KCNMB2: variants seen among roughly 807,000 people sequenced by gnomAD.
KCNMB2 encodes calcium-activated potassium channel subunit beta-2.
Under a neutral mutation model 24.5 loss-of-function variants are expected in KCNMB2, and 9 were observed. The ratio of observed to expected loss-of-function variants is 0.37; its 90% CI spans 0.22 to 0.64. The LOEUF (loss-of-function observed/expected upper bound fraction) is 0.64, where lower values mean the gene tolerates loss of function less well. Ranked by LOEUF, KCNMB2 falls within the 30% of genes least tolerant of loss-of-function variation. KCNMB2 has a pLI of 0.63. For missense variants in KCNMB2, 226 were observed against 284.3 expected (o/e 0.79, Z 1.47); for synonymous variants, 109 against 104.4 (o/e 1.04, Z -0.27).
chr3:178,579,743 C>T (rs1390545980), intron 1 of KCNMB2, among the ~76,000 whole-genome samples: 7 of 152,100 alleles, frequency 4.6e-5, no homozygotes. Flanking sequence ...CTATAAACAC[C>T]TCTATGCAAA....
At chr3:178,638,265 C>T (rs972728118) in intron 1 of KCNMB2, among the ~76,000 whole-genome samples, 7 of 152,122 alleles carry the variant, frequency 4.6e-5, no homozygotes, top group African/African-American at 1.7e-4. Flanking sequence ...TCAAACTCCC[C>T]AGACTGTTTT....
At chr3:178,789,799 G>A (rs1178372080) in intron 1 of KCNMB2, among the ~76,000 whole-genome samples, 1 of 152,030 alleles carries the variant, frequency 6.6e-6, no homozygotes, top group Non-Finnish European at 1.5e-5. Flanking sequence ...GTCCTCTAAG[G>A]TCCTAAATAA....
At chr3:178,620,122 T>C (rs1352566212) in intron 1 of KCNMB2, among the ~76,000 whole-genome samples, 4 of 152,326 alleles carry the variant, frequency 2.6e-5, no homozygotes, top group Middle Eastern at 6.8e-3. Flanking sequence ...TGTTTATATA[T>C]ATTATGATAT....
At chr3:178,807,703 A>G (rs1714030976) in intron 2 of KCNMB2, among the ~76,000 whole-genome samples, 1 of 152,124 alleles carries the variant, frequency 6.6e-6, no homozygotes, top group Non-Finnish European at 1.5e-5. Context: ...CCCATGTCAC[A>G]AGCTCTTTGC....
At chr3:178,567,581 T>C (rs149416076) in intron 1 of KCNMB2, among the ~76,000 whole-genome samples, 5 of 152,086 alleles carry the variant, frequency 3.3e-5, no homozygotes, top group African/African-American at 1.2e-4. Context: ...CTGCTTACAA[T>C]AGCAAAGAGT....
At chr3:178,548,996 G>C (rs1715858031) in intron 1 of KCNMB2, among the ~76,000 whole-genome samples, 1 of 152,164 alleles carries the variant, frequency 6.6e-6, no homozygotes, top group Admixed American at 6.5e-5. Flanking sequence ...AGTATAAGTA[G>C]AGGTATCTTA....
intron 4 of KCNMB2, among the ~76,000 whole-genome samples, chr3:178,835,248 CA>C (rs1431799157): frequency 7.2e-5 from 11 of 151,992 alleles, no homozygotes; most frequent in African/African-American, 2.7e-4. Context: ...TCATGCATAG[CA>C]GTGTGAATTC....
At chr3:178,729,848 A>T (rs891517695) in intron 1 of KCNMB2, among the ~76,000 whole-genome samples, 3 of 152,178 alleles carry the variant, frequency 2.0e-5, no homozygotes, top group African/African-American at 7.2e-5. Flanking sequence ...CATGGGCTAG[A>T]TTATGCTGCA....
In KCNMB2 at chr3:178,570,043, T is replaced by C. The variant is rs978883537; in HGVS notation, c.-68+33332T>C. Among the ~76,000 whole-genome samples, 3 of 152,286 alleles carry C rather than the reference T, an allele frequency of 2.0e-5. No homozygotes were observed. In the East Asian group the frequency reaches 5.8e-4, roughly 29 times the overall value. ...ATTATTTGGAATGTAGCCATGTCTG[T>C]TTTTCTTTTCTTTTGTTAGTAATGA... On this transcript the variant is annotated intron_variant, in intron 1 of 4. Transcript: ENST00000452583.
At chr3:178,807,933 AAAT>A (rs1714041123) in intron 2 of KCNMB2, among the ~76,000 whole-genome samples, 1 of 151,630 alleles carries the variant, frequency 6.6e-6, no homozygotes, top group Non-Finnish European at 1.5e-5. Flanking sequence ...ATAATTAATA[AAAT>A]AATAAATACT....
intron 1 of KCNMB2, among the ~76,000 whole-genome samples, chr3:178,547,352 T>C (rs894770621): frequency 6.6e-6 from 1 of 152,194 alleles, no homozygotes; most frequent in Non-Finnish European, 1.5e-5. Flanking sequence ...AATCACTTCA[T>C]AGAGTTGTTC....
At chr3:178,731,282 T>A (rs560820497) in intron 1 of KCNMB2, among the ~76,000 whole-genome samples, 1 of 152,270 alleles carries the variant, frequency 6.6e-6, no homozygotes, top group East Asian at 1.9e-4. Context: ...TTGAGAAGTT[T>A]CTCTAATATA....
intron 1 of KCNMB2, among the ~76,000 whole-genome samples, chr3:178,613,214 A>G (rs557326572): frequency 6.6e-6 from 1 of 152,348 alleles, no homozygotes; most frequent in South Asian, 2.1e-4. Flanking sequence ...CATGGCCAAC[A>G]TGGCAAAACC....
At chr3:178,797,575 G>A (rs560229469) in intron 1 of KCNMB2, among the ~76,000 whole-genome samples, 175 of 152,190 alleles carry the variant, frequency 1.1e-3, no homozygotes, top group African/African-American at 4.0e-3. Context: ...TTCAACATAC[G>A]CAAATCAATC....
rs146263556 is a variant in KCNMB2, at chr3:178,545,776, G to T, written c.-68+9065G>T. On this transcript the variant is annotated intron_variant, in intron 1 of 4. Transcript: ENST00000452583. Reference sequence around the variant, plus strand: ...TTGGTTGTCTCTGGATTGTTTGTTTGTTTCCTACTATATTTCAAATGAGGA... The same window carrying T: ...TTGGTTGTCTCTGGATTGTTTGTTTTTTTCCTACTATATTTCAAATGAGGA... Among the ~76,000 whole-genome samples the T allele has an allele frequency of 4.8e-5, 7 of 147,208 alleles. No homozygotes were observed. In the South Asian group the frequency reaches 1.5e-3, roughly 32 times the overall value.
chr3:178,542,974 T>C (rs1715669536), intron 1 of KCNMB2, among the ~76,000 whole-genome samples: 1 of 152,220 alleles, frequency 6.6e-6, no homozygotes, highest in Non-Finnish European at 1.5e-5. Context: ...GCCCAGGTGT[T>C]AGCACCATGC....
intron 1 of KCNMB2, among the ~76,000 whole-genome samples, chr3:178,545,983 G>A (rs906327960): frequency 2.0e-5 from 3 of 152,194 alleles, no homozygotes; most frequent in African/African-American, 7.2e-5. Flanking sequence ...GAACAGCCAT[G>A]TGAGGCTCTC....
At chr3:178,700,509 G>T (rs952428008) in intron 1 of KCNMB2, among the ~76,000 whole-genome samples, 1 of 152,188 alleles carries the variant, frequency 6.6e-6, no homozygotes, top group African/African-American at 2.4e-5. Context: ...CAGTGATATT[G>T]GGCTAGCCCA....
chr3:178,825,237 T>C (rs1203847637), intron 2 of KCNMB2, among the ~76,000 whole-genome samples: 1 of 152,240 alleles, frequency 6.6e-6, no homozygotes. Context: ...TTGGGTTAAA[T>C]GGTAAAGTCA....
Sources: allele counts gnomAD v4.1 joint callset (sites outside exome capture counted in the v4.1 genomes callset), GRCh38; gene constraint gnomAD v4.1.1; transcripts MANE v1.5; gene names NCBI Gene and HGNC (gene_info 2026-07-23, HGNC 2026-07-21).